B3GALT5: variants seen among roughly 807,000 people sequenced by gnomAD.
B3GALT5 encodes the protein beta-1,3-galactosyltransferase 5, also known as UDP-Gal:betaGlcNAc beta 1,3-galactosyltransferase, polypeptide 5.
For missense variants in B3GALT5, 328 were observed against 396.6 expected, an observed-to-expected ratio of 0.83 and a Z score of 1.47; for synonymous variants, 156 against 158.6, an observed-to-expected ratio of 0.98 and a Z score of 0.12.
intron 1 of B3GALT5, among the ~76,000 whole-genome samples, chr21:39,635,118 T>C (rs2146194131): frequency 6.6e-6 from 1 of 152,336 alleles, no homozygotes; most frequent in Non-Finnish European, 1.5e-5. Flanking sequence ...ATGATTGCAA[T>C]TAACAATGGC....
intron 1 of B3GALT5, among the ~76,000 whole-genome samples, chr21:39,619,982 A>AT (rs1360515659): frequency 2.0e-5 from 3 of 151,720 alleles, no homozygotes; most frequent in Non-Finnish European, 2.9e-5. Context: ...CAATTTTTAT[A>AT]TTTTTTGGTA....
intron 1 of B3GALT5, among the ~76,000 whole-genome samples, chr21:39,616,819 T>A (rs1349580816): frequency 6.6e-6 from 1 of 152,204 alleles, no homozygotes; most frequent in Non-Finnish European, 1.5e-5. Flanking sequence ...TTTGATTAAA[T>A]TTATTAAAAT....
intron 1 of B3GALT5, among the ~76,000 whole-genome samples, chr21:39,634,283 G>A (rs2079211139): frequency 1.3e-5 from 2 of 152,172 alleles, no homozygotes; most frequent in Admixed American, 1.3e-4. Flanking sequence ...GGAATGGGGT[G>A]TGTGTTTTTC....
rs1470769383 is a variant in B3GALT5 at position 39,663,138 on chromosome 21, G to A, written c.*1646G>A. Reference sequence around the variant, plus strand: ...CCCAAATTTAAGAGCCACGCCTCTCGGTTCCATAGGATGGGCCGCCTCTCA... The same window carrying A: ...CCCAAATTTAAGAGCCACGCCTCTCAGTTCCATAGGATGGGCCGCCTCTCA... On this transcript the variant is annotated 3_prime_UTR_variant, in exon 4 of 4. Transcript: ENST00000684187. 4 of 152,364 alleles carry A rather than the reference G, an allele frequency of 2.6e-5. No homozygotes were observed. The highest frequency in any genetic ancestry group is 2.1e-4 in the South Asian group (1 of 4,824). The allele number at this position is 152,364 out of a possible 1,614,324, so 9.4% of individuals were successfully genotyped here.
intron 2 of B3GALT5, chr21:39,657,781 C>T: frequency 9.4e-7 from 1 of 1,061,092 alleles, no homozygotes; most frequent in Non-Finnish European, 1.2e-6. Context: ...TTCGATCTCT[C>T]TAGAGAACCC....
rs1198677688 is a variant in B3GALT5, at chr21:39,670,725, C to A, written c.*9233C>A. The A allele has an allele frequency of 1.1e-4, 16 of 151,196 alleles. No individual in the cohort carries two copies. Among genetic ancestry groups the A allele is most frequent in the African/African-American group, 3.9e-4 (16 of 41,198 alleles). 9.4% of individuals were successfully genotyped at this position (151,196 alleles called of 1,614,324 possible). On this transcript the variant is annotated 3_prime_UTR_variant, in exon 4 of 4. Coordinates refer to ENST00000684187, the MANE Select transcript of B3GALT5 (RefSeq NM_001356336.2). ...TATTTAGAATCCTTGATAAACAGTT[C>A]CAAAAGAAAAAAAAAAACAGGCTTT... is the stretch of plus-strand genomic sequence containing the variant.
At chr21:39,643,896 C>A (rs2079313272) in intron 1 of B3GALT5, among the ~76,000 whole-genome samples, 2 of 152,074 alleles carry the variant, frequency 1.3e-5, no homozygotes, top group African/African-American at 4.8e-5. Flanking sequence ...GTAGTAAAAT[C>A]TTGCGTTCTT....
At chr21:39,644,686 A>T (rs775546972) in intron 1 of B3GALT5, among the ~76,000 whole-genome samples, 14 of 152,342 alleles carry the variant, frequency 9.2e-5, no homozygotes, top group Non-Finnish European at 1.9e-4. Flanking sequence ...AAAGGGAGCT[A>T]GTATTTATTA....
In B3GALT5 at chr21:39,670,034, A is replaced by C. The variant is rs1361009049; in HGVS notation, c.*8542A>C. On this transcript the variant is annotated 3_prime_UTR_variant, in exon 4 of 4. Coordinates refer to ENST00000684187, the MANE Select transcript of B3GALT5 (RefSeq NM_001356336.2). ...TGTCATTCCCAAGGACCTCCCGTTT[A>C]GCTGGATCCCCTGACCTGTCCTGCC... 1 of 152,148 alleles carries C rather than the reference A, an allele frequency of 6.6e-6. No homozygotes were observed. Among genetic ancestry groups the C allele is most frequent in the Non-Finnish European group, 1.5e-5 (1 of 68,118 alleles). 9.4% of individuals were successfully genotyped at this position (152,148 alleles called of 1,614,324 possible).
intron 2 of B3GALT5, among the ~76,000 whole-genome samples, chr21:39,659,510 T>TA (rs2079487419): frequency 6.6e-6 from 1 of 152,216 alleles, no homozygotes; most frequent in African/African-American, 2.4e-5. Context: ...TGCTAGGTGC[T>TA]ATCCTAACTT....
rs1569224329 is a variant in B3GALT5 at position 39,661,466 on chromosome 21, CGGGGGGAAGATTG to C, written c.908_920del (p.Arg303LeufsTer25). On this transcript the variant is annotated frameshift_variant, in exon 4 of 4. Transcript: ENST00000684187. LOFTEE classifies it high-confidence loss of function. This position sits in a 1 kb window ranked among gnomAD's most constrained non-coding sequence, Gnocchi z 4.7. ...CTACTGGCAGGCTCTAGAGAATTCC[CGGGGGGAAGATTG>C]TCCGCCTGTCTGAGGGGAGCCCAGA... 6.6e-7 allele frequency: 1 copy of C among 1,508,894 alleles called. No individual in the cohort carries two copies. Among genetic ancestry groups the C allele is most frequent in the African/African-American group, 1.4e-5 (1 of 71,580 alleles). The allele number at this position is 1,508,894 out of a possible 1,614,324, so 93.5% of individuals were successfully genotyped here.
At chr21:39,620,101 C>T (rs1162698312) in intron 1 of B3GALT5, among the ~76,000 whole-genome samples, 3 of 152,250 alleles carry the variant, frequency 2.0e-5, no homozygotes, top group Non-Finnish European at 4.4e-5. Flanking sequence ...GCTGGGATTA[C>T]AGGCGTGAGC....
chr21:39,638,033 A>G (rs1234313629), intron 1 of B3GALT5, among the ~76,000 whole-genome samples: 1 of 152,054 alleles, frequency 6.6e-6, no homozygotes, highest in East Asian at 1.9e-4. Flanking sequence ...ACACCGGGCC[A>G]TTTCTCACTT....
chr21:39,657,701 C>A (rs972131777), intron 2 of B3GALT5: 26 of 437,510 alleles, frequency 5.9e-5, no homozygotes, highest in African/African-American at 5.1e-4. Flanking sequence ...ACCGACTTAC[C>A]TACCTACCTG....
intron 1 of B3GALT5, among the ~76,000 whole-genome samples, chr21:39,622,024 A>G (rs2079136828): frequency 6.6e-6 from 1 of 151,968 alleles, no homozygotes; most frequent in Non-Finnish European, 1.5e-5. Context: ...CTTTTGACCT[A>G]TAACTTTATT....
chr21:39,620,208 C>G (rs2079127281), intron 1 of B3GALT5, among the ~76,000 whole-genome samples: 1 of 152,314 alleles, frequency 6.6e-6, no homozygotes, highest in South Asian at 2.1e-4. Flanking sequence ...CAGCCAGAAT[C>G]CCATATTGCA....
At chr21:39,613,131 T>G (rs2079089221) in intron 1 of B3GALT5, 64 bp downstream of exon 1, 1 of 148,784 alleles carries the variant, frequency 6.7e-6, no homozygotes, top group Non-Finnish European at 1.5e-5. Context: ...GGCCGGGTCC[T>G]GCGGCGCGCG....
chr21:39,660,176 A>G (rs915172028), intron 3 of B3GALT5, among the ~76,000 whole-genome samples: 1 of 152,108 alleles, frequency 6.6e-6, no homozygotes, highest in Admixed American at 6.5e-5. Flanking sequence ...TAGATCTACA[A>G]TGCGTGGTTT....
At chr21:39,614,945 G>A (rs888026707) in intron 1 of B3GALT5, among the ~76,000 whole-genome samples, 5 of 152,200 alleles carry the variant, frequency 3.3e-5, no homozygotes, top group Non-Finnish European at 7.3e-5. Flanking sequence ...CCGGGTGACC[G>A]GGATACTGAT....
Sources: allele counts gnomAD v4.1 joint callset (sites outside exome capture counted in the v4.1 genomes callset), GRCh38; gene constraint gnomAD v4.1.1; non-coding constraint Gnocchi (gnomAD v3.1); transcripts MANE v1.5; gene names NCBI Gene and HGNC (gene_info 2026-07-23, HGNC 2026-07-21).